Variants in TMEM41B observed in about 807,000 individuals in gnomAD.
TMEM41B encodes the protein protein stasimon.
TMEM41B carries 18 observed loss-of-function variants against 31.9 expected under a neutral mutation model. That is an observed-to-expected ratio of 0.56 (90% CI 0.39 to 0.84). The LOEUF is 0.84. TMEM41B is among the 40% of genes least tolerant of loss of function. The probability of loss-of-function intolerance (pLI) is 0.00; values close to 1 mark genes in which losing one functional copy is unlikely to be tolerated. For synonymous variants in TMEM41B, 144 were observed against 124.3 expected (o/e 1.16, Z -1.05); for missense variants, 322 against 348.0 (o/e 0.93, Z 0.59).
intron 1 of TMEM41B, among the ~76,000 whole-genome samples, chr11:9,306,610 C>T (rs1427615646): frequency 6.6e-6 from 1 of 151,962 alleles, no homozygotes; most frequent in Non-Finnish European, 1.5e-5. Flanking sequence ...GGCATTAACC[C>T]GGGAGGCGGA....
intron 3 of TMEM41B, among the ~76,000 whole-genome samples, chr11:9,291,051 C>T (rs1023546870): frequency 2.0e-5 from 3 of 151,830 alleles, no homozygotes; most frequent in African/African-American, 7.3e-5. Flanking sequence ...AGAGGGCAGA[C>T]GTTGTAGTGA....
At chr11:9,313,939 T>C (rs1342632785) in intron 1 of TMEM41B, among the ~76,000 whole-genome samples, 3 of 152,154 alleles carry the variant, frequency 2.0e-5, no homozygotes, top group Non-Finnish European at 4.4e-5. Flanking sequence ...GCTTTATGAC[T>C]TTATAAGTCA....
intron 1 of TMEM41B, among the ~76,000 whole-genome samples, chr11:9,311,127 T>G (rs1479201680): frequency 6.6e-6 from 1 of 152,174 alleles, no homozygotes; most frequent in Admixed American, 6.6e-5. Context: ...CCATTTTCCC[T>G]AGCCACTCAG....
chr11:9,304,934 G>A (rs1235317021), intron 1 of TMEM41B, among the ~76,000 whole-genome samples: 1 of 152,102 alleles, frequency 6.6e-6, no homozygotes, highest in Non-Finnish European at 1.5e-5. Flanking sequence ...GGAATTACAG[G>A]CGTGAGCCAC....
In TMEM41B at chr11:9,303,050, T is replaced by G. The variant is rs1853294134; in HGVS notation, c.122-3349A>C. Among the ~76,000 whole-genome samples, 2 of 103,094 alleles carry G rather than the reference T, an allele frequency of 1.9e-5. 1 individual carries two copies. The highest frequency in any genetic ancestry group is 6.0e-4 in the South Asian group (2 of 3,346). The allele number at this position is 103,094 out of a possible 152,430, so 67.6% of individuals were successfully genotyped here. A position where few individuals can be genotyped will look rare whatever the true frequency, so the allele number is the denominator to read the frequency against. On this transcript the variant is annotated intron_variant, in intron 1 of 6. Coordinates refer to ENST00000528080, the MANE Select transcript of TMEM41B (RefSeq NM_015012.4). ...GTTGTTGTCTGAGAAGGAGTCTCGC[T>G]CTGTTGCCCAGGCTGGACTGCAGTG... is the stretch of plus-strand genomic sequence containing the variant.
At chr11:9,310,859 G>A (rs1853543558) in intron 1 of TMEM41B, among the ~76,000 whole-genome samples, 1 of 151,646 alleles carries the variant, frequency 6.6e-6, no homozygotes, top group African/African-American at 2.4e-5. Context: ...GGCCTGCTGG[G>A]GAATGTATTT....
intron 3 of TMEM41B, among the ~76,000 whole-genome samples, chr11:9,292,204 T>C (rs949847471): frequency 6.6e-6 from 1 of 152,210 alleles, no homozygotes; most frequent in African/African-American, 2.4e-5. Context: ...TTGTAGAATT[T>C]ACCATTTATT....
At chr11:9,299,325 T>TACACACACACACAC (rs139794462) in intron 2 of TMEM41B, among the ~76,000 whole-genome samples, 1,848 of 123,128 alleles carry the variant, frequency 0.015, 31 homozygotes, top group Middle Eastern at 0.023. Flanking sequence ...TATACATACA[T>TACACACACACACAC]ACACACACAC....
rs912155484 is a variant in TMEM41B at position 9,280,777 on chromosome 11, T to C, written c.*2647A>G. 2 of 152,164 alleles carry C rather than the reference T, an allele frequency of 1.3e-5. No individual in the cohort carries two copies. Among genetic ancestry groups the C allele is most frequent in the African/African-American group, 4.8e-5 (2 of 41,422 alleles). 9.4% of individuals were successfully genotyped at this position (152,164 alleles called of 1,614,324 possible). ...AAGACAGTTAACTAAGAAAGAACAG[T>C]TTCACTTTCTTAGCTTGTCAACTCC... On this transcript the variant is annotated 3_prime_UTR_variant, in exon 7 of 7. Coordinates refer to ENST00000528080, the MANE Select transcript of TMEM41B (RefSeq NM_015012.4).
chr11:9,293,196 G>A (rs746171297), intron 3 of TMEM41B, among the ~76,000 whole-genome samples: 31 of 151,774 alleles, frequency 2.0e-4, no homozygotes, highest in Admixed American at 1.8e-3. Context: ...CAACTTCCCT[G>A]GGCTCAGGTG....
chr11:9,284,318 T>C (rs1038067341), intron 6 of TMEM41B, among the ~76,000 whole-genome samples: 7 of 151,558 alleles, frequency 4.6e-5, no homozygotes, highest in African/African-American at 4.8e-5. Flanking sequence ...GGCAAAATTT[T>C]TGAATTTTTT....
chr11:9,287,556 G>A, intron 5 of TMEM41B, 146 bp downstream of exon 5: 2 of 532,726 alleles, frequency 3.8e-6, no homozygotes, highest in African/African-American at 2.0e-5. Context: ...ATTTTTATTT[G>A]GTCAGAAGAT....
intron 3 of TMEM41B, among the ~76,000 whole-genome samples, chr11:9,289,034 T>G (rs750737029): frequency 2.0e-5 from 3 of 152,334 alleles, no homozygotes; most frequent in Middle Eastern, 3.4e-3. Flanking sequence ...GAAGGGGTCT[T>G]GCTTTGTCAC....
In TMEM41B at chr11:9,302,848, A is replaced by T. The variant is rs1484998198; in HGVS notation, c.122-3147T>A. ...AAGAAGAAGGGTATACTATTTTTTA[A>T]AAAAAAATCCTGAGCCAGAGTGGTG... On this transcript the variant is annotated intron_variant, in intron 1 of 6. Transcript: ENST00000528080. Among the ~76,000 whole-genome samples the T allele has an allele frequency of 3.0e-5, 3 of 99,228 alleles. 1 individual carries two copies. The highest frequency in any genetic ancestry group is 6.5e-5 in the Non-Finnish European group (3 of 46,330). 65.1% of individuals were successfully genotyped at this position (99,228 alleles called of 152,430 possible).
At chr11:9,304,894 G>T (rs940065373) in intron 1 of TMEM41B, among the ~76,000 whole-genome samples, 3 of 152,076 alleles carry the variant, frequency 2.0e-5, no homozygotes, top group African/African-American at 7.2e-5. Context: ...TTAACCTCGT[G>T]ATCTGCCCCC....
intron 1 of TMEM41B, chr11:9,311,186 C>G (rs1477531742): frequency 1.5e-6 from 2 of 1,357,884 alleles, no homozygotes; most frequent in African/African-American, 1.4e-5. Context: ...GTGGGGAGCA[C>G]AAGGGCTACT....
intron 1 of TMEM41B, among the ~76,000 whole-genome samples, chr11:9,302,847 A>T (rs4910449): frequency 0.12 from 11,891 of 97,072 alleles, 4,266 homozygotes; most frequent in South Asian, 0.19. Flanking sequence ...ACTATTTTTT[A>T]AAAAAAAATC....
intron 1 of TMEM41B, among the ~76,000 whole-genome samples, chr11:9,307,299 CA>C: frequency 6.6e-6 from 1 of 152,034 alleles, no homozygotes; most frequent in Non-Finnish European, 1.5e-5. Context: ...GCTTACAGGC[CA>C]ACAAGTCTCT....
At chr11:9,312,648 G>A (rs1160510121) in intron 1 of TMEM41B, among the ~76,000 whole-genome samples, 3 of 152,182 alleles carry the variant, frequency 2.0e-5, no homozygotes, top group Admixed American at 6.5e-5. Context: ...GCTCACGCCT[G>A]TAATCCCAGC....
Sources: gnomAD v4.1 joint callset for allele counts (sites outside exome capture counted in the v4.1 genomes callset) on GRCh38, gnomAD v4.1.1 for gene constraint, MANE v1.5 for transcripts, NCBI Gene and HGNC (gene_info 2026-07-23, HGNC 2026-07-21) for gene names.